CRYBG1: variants seen among roughly 807,000 people sequenced by gnomAD.
The protein encoded by CRYBG1 is beta/gamma crystallin domain-containing protein 1.
A neutral mutation model predicts 189.2 loss-of-function variants in CRYBG1; 139 were observed. That is an observed-to-expected ratio of 0.73 (90% CI 0.64 to 0.85). CRYBG1 has a LOEUF of 0.85. Ranked by LOEUF, CRYBG1 falls within the 40% of genes least tolerant of loss-of-function variation. The pLI is 0.00. For synonymous variants in CRYBG1, 1,023 were observed against 1,017.1 expected (o/e 1.01, Z -0.11); for missense variants, 2,611 against 2,675.8 (o/e 0.98, Z 0.53).
Position 106,525,347 on chromosome 6 carries a change from G to A in CRYBG1, c.4373G>A (p.Ser1458Asn). Residue 1458 changes from serine to asparagine, a missense_variant, in exon 6 of 22, where the codon AGC becomes AAC. Around this residue, in one of 3 missense-constraint regions of CRYBG1, gnomAD observed 1,622 missense variants for 1,735.0 expected, o/e 0.93. Coordinates refer to ENST00000633556, the MANE Select transcript of CRYBG1 (RefSeq NM_001371242.2). ...FSDIQDCSSWSLSPVILIKVV... is the reference protein window; with the variant it reads ...FSDIQDCSSWNLSPVILIKVV... ...GACATTCAGGATTGCAGTTCTTGGA[G>A]CCTCTCTCCAGTGATACTCATAAAA... The A allele has an allele frequency of 1.2e-6, 2 of 1,614,160 alleles. No individual in the cohort carries two copies. The highest frequency in any genetic ancestry group is 1.7e-6 in the Non-Finnish European group (2 of 1,180,012).
In CRYBG1 at chr6:106,519,858, G is replaced by A; in HGVS notation, c.2650G>A (p.Val884Ile). The A allele has an allele frequency of 6.2e-7, 1 of 1,614,152 alleles. No homozygotes were observed. The highest frequency in any genetic ancestry group is 8.5e-7 in the Non-Finnish European group (1 of 1,180,034). The change falls in exon 4 of 22, where the codon GTT (valine) becomes ATT (isoleucine). Residue 884 changes from valine (V) to isoleucine (I), a missense_variant. Physicochemically the swap from Val to Ile is conservative, Grantham distance 29. Coordinates refer to ENST00000633556, the MANE Select transcript of CRYBG1 (RefSeq NM_001371242.2). ...ACTGTCTGCACCCGCTCCTGGGGATGTTCCCAAAGACACATGTGTTCAATC... is the reference window on the plus strand; with the variant it reads ...ACTGTCTGCACCCGCTCCTGGGGATATTCCCAAAGACACATGTGTTCAATC... ...LSLSAPAPGD[V>I]PKDTCVQSPI...
At chr6:106,561,288 A>G (rs1774710548) in intron 19 of CRYBG1, 54 bp from the exon 20 acceptor site, 2 of 1,565,388 alleles carry the variant, frequency 1.3e-6, no homozygotes, top group African/African-American at 2.7e-5. Flanking sequence ...ATGCTTGTTC[A>G]GTGCTTCCAG....
intron 1 of CRYBG1, among the ~76,000 whole-genome samples, chr6:106,445,339 CTCCT>C (rs1473338322): frequency 1.2e-4 from 19 of 152,186 alleles, no homozygotes; most frequent in Non-Finnish European, 2.5e-4. Context: ...GGGTTCTCTA[CTCCT>C]AACTCTGTCA....
intron 2 of CRYBG1, among the ~76,000 whole-genome samples, chr6:106,474,308 C>T (rs1772293159): frequency 6.6e-6 from 1 of 152,170 alleles, no homozygotes; most frequent in Non-Finnish European, 1.5e-5. Context: ...CATGTGCTTA[C>T]ACCTCAGCTT....
In CRYBG1 at chr6:106,520,656, A is replaced by G; in HGVS notation, c.3448A>G (p.Lys1150Glu). ...TCCTATTCACGAAGACCATTTAGAA[A>G]AGGTGTTTGATCCCAAAGTGTTTAC... ...MPPIHEDHLE[K>E]VFDPKVFTFG... Residue 1150 changes from lysine to glutamate, a missense_variant, in exon 4 of 22, where the codon AAG becomes GAG. This residue lies in a region of CRYBG1 where 1,622 missense variants were observed against 1,735.0 expected (regional missense o/e 0.93). Transcript: ENST00000633556. 1.2e-6 allele frequency: 2 copies of G among 1,614,200 alleles called. No individual in the cohort carries two copies. The highest frequency in any genetic ancestry group is 1.7e-6 in the Non-Finnish European group (2 of 1,180,040).
At chr6:106,367,600 A>AAT (rs1157203983) in intron 1 of CRYBG1, among the ~76,000 whole-genome samples, 10 of 151,302 alleles carry the variant, frequency 6.6e-5, no homozygotes, top group Non-Finnish European at 1.3e-4. Context: ...AAAAAAAAAA[A>AAT]AAAAATCAAA....
chr6:106,461,449 A>T (rs1772006747), intron 2 of CRYBG1, among the ~76,000 whole-genome samples: 2 of 152,240 alleles, frequency 1.3e-5, no homozygotes, highest in Non-Finnish European at 2.9e-5. Flanking sequence ...AATAAAGAGG[A>T]GTCACTGGCC....
intron 1 of CRYBG1, among the ~76,000 whole-genome samples, chr6:106,444,927 A>G (rs1288929460): frequency 2.0e-5 from 3 of 152,166 alleles, no homozygotes; most frequent in African/African-American, 7.2e-5. Context: ...TGAGACCAGG[A>G]GTTCAAAACC....
chr6:106,454,325 A>AGCCATG lies in CRYBG1; in HGVS notation c.312+2493_312+2494insGCCATG, dbSNP rs567502323. Among the ~76,000 whole-genome samples the AGCCATG allele has an allele frequency of 1.6e-4, 25 of 152,228 alleles. No homozygotes were observed. The South Asian group carries it at 5.0e-3, about 30-fold the overall frequency. The stretch of plus-strand genomic sequence containing the variant: ...GAGATCATGGCTGAGAGATTTACTG[A>AGCCATG]ACCATTAGCTCAGAAGTGCAAGACC... On this transcript the variant is annotated intron_variant, in intron 2 of 21. Transcript: ENST00000633556.
chr6:106,420,188 A>AC (rs1478460129), intron 1 of CRYBG1, among the ~76,000 whole-genome samples: 1 of 152,194 alleles, frequency 6.6e-6, no homozygotes, highest in Non-Finnish European at 1.5e-5. Flanking sequence ...TTGAAGACAC[A>AC]CCCAGGAAAA....
chr6:106,451,170 A>T (rs1771775203), intron 1 of CRYBG1, among the ~76,000 whole-genome samples: 1 of 152,172 alleles, frequency 6.6e-6, no homozygotes, highest in Non-Finnish European at 1.5e-5. Context: ...GAGTCTGTAA[A>T]ACATTCTTTC....
At chr6:106,433,457 G>A (rs930877294) in intron 1 of CRYBG1, among the ~76,000 whole-genome samples, 6 of 152,048 alleles carry the variant, frequency 3.9e-5, no homozygotes, top group Non-Finnish European at 7.4e-5. Flanking sequence ...TGGGGTGAAT[G>A]TTCTATTGAT....
chr6:106,433,855 G>A (rs1040547875), intron 1 of CRYBG1, among the ~76,000 whole-genome samples: 1 of 148,530 alleles, frequency 6.7e-6, no homozygotes, highest in Non-Finnish European at 1.5e-5. Flanking sequence ...GTAAAGACAC[G>A]AATTTTCTAT....
Position 106,520,055 on chromosome 6 carries a change from T to G in CRYBG1, c.2847T>G (p.Cys949Trp), listed in dbSNP as rs373693413. ...GTCCAGAAGCTGTGGGAAGTGAGTG[T>G]CCATCCAGAGTCCTCGTCCAGGTCA... Reference protein sequence around the residue: ...ERSPEAVGSECPSRVLVQVRS... With the variant: ...ERSPEAVGSEWPSRVLVQVRS... Residue 949 changes from cysteine to tryptophan, a missense_variant, in exon 4 of 22, where the codon TGT becomes TGG. Physicochemically the swap from Cys to Trp is radical, Grantham distance 215. Transcript: ENST00000633556. 4.3e-6 allele frequency: 7 copies of G among 1,614,114 alleles called. No individual in the cohort carries two copies. In the African/African-American group the frequency reaches 8.0e-5, roughly 18 times the overall value.
In CRYBG1 at chr6:106,569,729, A is replaced by G. The variant is rs1801391; in HGVS notation, c.*1163A>G. On this transcript the variant is annotated 3_prime_UTR_variant, in exon 22 of 22. Transcript: ENST00000633556. Reference sequence around the variant, plus strand: ...AGCCTAATTTCTTGTCCTCCTATCCACCTGCATCCACACATGGCCTGCATG... The same window carrying G: ...AGCCTAATTTCTTGTCCTCCTATCCGCCTGCATCCACACATGGCCTGCATG... The G allele has an allele frequency of 0.021, 3,202 of 152,030 alleles. 98 individuals are homozygous for G. Among genetic ancestry groups the G allele is most frequent in the African/African-American group, 0.075 (3,095 of 41,406 alleles). The allele number at this position is 152,030 out of a possible 1,614,324, so 9.4% of individuals were successfully genotyped here. A position where few individuals can be genotyped will look rare whatever the true frequency, so the allele number is the denominator to read the frequency against.
chr6:106,520,662 T>A lies in CRYBG1; in HGVS notation c.3454T>A (p.Phe1152Ile). 6.2e-7 allele frequency: 1 copy of A among 1,614,160 alleles called. No individual in the cohort carries two copies. The highest frequency in any genetic ancestry group is 8.5e-7 in the Non-Finnish European group (1 of 1,180,038). Reference sequence around the variant, plus strand: ...TCACGAAGACCATTTAGAAAAGGTGTTTGATCCCAAAGTGTTTACCTTTGG... The same window carrying A: ...TCACGAAGACCATTTAGAAAAGGTGATTGATCCCAAAGTGTTTACCTTTGG... ...PIHEDHLEKV[F>I]DPKVFTFGLG... Residue 1152 changes from phenylalanine to isoleucine, a missense_variant, in exon 4 of 22, where the codon TTT (phenylalanine) becomes ATT (isoleucine). Coordinates refer to ENST00000633556, the MANE Select transcript of CRYBG1 (RefSeq NM_001371242.2).
chr6:106,475,506 G>A (rs563714490), intron 2 of CRYBG1, among the ~76,000 whole-genome samples: 10 of 152,288 alleles, frequency 6.6e-5, no homozygotes, highest in African/African-American at 2.4e-4. Context: ...TGATATTTGG[G>A]AAGGAAAAGT....
chr6:106,448,105 G>A (rs1372605206), intron 1 of CRYBG1, among the ~76,000 whole-genome samples: 1 of 152,174 alleles, frequency 6.6e-6, no homozygotes, highest in Non-Finnish European at 1.5e-5. Context: ...GCAAGAAGCT[G>A]CCCTGAAGCA....
chr6:106,498,129 A>G (rs889458928), intron 2 of CRYBG1, among the ~76,000 whole-genome samples: 38 of 151,908 alleles, frequency 2.5e-4, no homozygotes, highest in African/African-American at 9.2e-4. Context: ...GTCAGCTGAA[A>G]TAAATCACAA....
Sources: allele counts gnomAD v4.1 joint callset (sites outside exome capture counted in the v4.1 genomes callset), GRCh38; gene constraint gnomAD v4.1.1; regional missense constraint gnomAD v4.1.1; transcripts MANE v1.5; gene names NCBI Gene and HGNC (gene_info 2026-07-23, HGNC 2026-07-21).